Variants in PDZD2 observed in about 807,000 individuals in gnomAD.
PDZD2 encodes the protein PDZ domain containing 2.
A neutral mutation model predicts 220.7 loss-of-function variants in PDZD2; 90 were observed. That is an observed-to-expected ratio of 0.41 (90% confidence interval 0.34 to 0.49). PDZD2 has a LOEUF of 0.49. Ranked by LOEUF, PDZD2 falls within the 20% of genes least tolerant of loss-of-function variation. The pLI is 0.28. For synonymous variants in PDZD2, 1,375 were observed against 1,450.5 expected, an observed-to-expected ratio of 0.95 and a Z score of 1.18; for missense variants, 3,174 against 3,608.5, an observed-to-expected ratio of 0.88 and a Z score of 3.08.
intron 8 of PDZD2, 123 bp downstream of exon 8, chr5:32,048,807 C>T: frequency 1.1e-6 from 1 of 934,008 alleles, no homozygotes; most frequent in Non-Finnish European, 1.6e-6. Context: ...AGACAGCAGG[C>T]AAAGTGAGGT....
intron 1 of PDZD2, among the ~76,000 whole-genome samples, chr5:31,714,351 G>A (rs951766565): frequency 5.3e-5 from 8 of 152,204 alleles, no homozygotes; most frequent in Admixed American, 2.0e-4. Flanking sequence ...TTCCGCTTGT[G>A]TCTCGGCTTC....
At chr5:31,979,584 A>ACT (rs1750112066) in intron 2 of PDZD2, among the ~76,000 whole-genome samples, 2 of 151,814 alleles carry the variant, frequency 1.3e-5, no homozygotes, top group Non-Finnish European at 2.9e-5. Context: ...TGTCTCAAAA[A>ACT]AAAAAAAAAA....
At chr5:31,698,265 C>T (rs1156667043) in intron 1 of PDZD2, among the ~76,000 whole-genome samples, 1 of 147,948 alleles carries the variant, frequency 6.8e-6, no homozygotes, top group Non-Finnish European at 1.5e-5. Flanking sequence ...ATTGTGAATA[C>T]GAATTTTACT....
intron 6 of PDZD2, among the ~76,000 whole-genome samples, chr5:32,024,764 G>A (rs1040008897): frequency 5.9e-5 from 9 of 152,076 alleles, no homozygotes; most frequent in African/African-American, 1.2e-4. Flanking sequence ...TGGGGGCTCC[G>A]TTGTAGATGA....
intron 1 of PDZD2, among the ~76,000 whole-genome samples, chr5:31,753,301 G>T (rs1751118975): frequency 6.6e-6 from 1 of 152,208 alleles, no homozygotes; most frequent in Non-Finnish European, 1.5e-5. Flanking sequence ...ATGCCAGGAG[G>T]CAATAGGGAG....
At chr5:31,870,145 C>T (rs1304256329) in intron 2 of PDZD2, among the ~76,000 whole-genome samples, 1 of 152,108 alleles carries the variant, frequency 6.6e-6, no homozygotes, top group Non-Finnish European at 1.5e-5. Context: ...CTAGCTCTAG[C>T]TTGGGGAATT....
Position 32,061,062 on chromosome 5 carries a change from A to G in PDZD2, c.2379A>G (p.Lys793=), listed in dbSNP as rs1409008277. Residue 793 remains lysine (K), a synonymous_variant, in exon 14 of 25, where the codon AAA becomes AAG. Transcript: ENST00000438447. ...ACGTCCGCCATGCTGCTTTAAGCAA[A>G]GTCCACGCCATCTTGAGTAAATGCC... ...SVNVRHAALS[K]VHAILSKCPP... The G allele has an allele frequency of 3.1e-6, 5 of 1,614,092 alleles. No homozygotes were observed.
chr5:31,977,052 C>T (rs1399273373), intron 2 of PDZD2, among the ~76,000 whole-genome samples: 1 of 150,536 alleles, frequency 6.6e-6, no homozygotes, highest in African/African-American at 2.5e-5. Flanking sequence ...GAGACAGCTT[C>T]CTGCCATGTT....
intron 1 of PDZD2, among the ~76,000 whole-genome samples, chr5:31,793,685 G>A (rs968990306): frequency 6.6e-6 from 1 of 152,242 alleles, no homozygotes; most frequent in Admixed American, 6.5e-5. Context: ...GCCTGCGCCT[G>A]TAAGCGCAGC....
At chr5:31,785,332 G>A (rs1204532865) in intron 1 of PDZD2, among the ~76,000 whole-genome samples, 1 of 150,280 alleles carries the variant, frequency 6.7e-6, no homozygotes, top group Non-Finnish European at 1.5e-5. Context: ...GCACCTCCCT[G>A]GCAGTGACCT....
At chr5:31,644,159 A>G (rs1490784283) in intron 1 of PDZD2, among the ~76,000 whole-genome samples, 1 of 152,208 alleles carries the variant, frequency 6.6e-6, no homozygotes, top group East Asian at 1.9e-4. Context: ...ATTATCTGGA[A>G]AATTTTCTGA....
intron 7 of PDZD2, among the ~76,000 whole-genome samples, chr5:32,038,229 G>A (rs376794775): frequency 1.3e-5 from 2 of 148,564 alleles, no homozygotes; most frequent in East Asian, 3.9e-4. Flanking sequence ...TGGCTGTGTT[G>A]GTATAAAGAT....
chr5:31,824,930 C>G (rs766733661), intron 2 of PDZD2, among the ~76,000 whole-genome samples: 15 of 152,176 alleles, frequency 9.9e-5, no homozygotes, highest in Admixed American at 4.6e-4. Flanking sequence ...CATGGTAAAG[C>G]TCTATTAATA....
intron 2 of PDZD2, among the ~76,000 whole-genome samples, chr5:31,890,517 A>G (rs937550623): frequency 1.3e-5 from 2 of 152,166 alleles, no homozygotes; most frequent in Admixed American, 1.3e-4. Flanking sequence ...GTGGACTAAT[A>G]AAAACAGCCG....
At chr5:31,853,945 TG>T (rs1212904600) in intron 2 of PDZD2, among the ~76,000 whole-genome samples, 1 of 152,152 alleles carries the variant, frequency 6.6e-6, no homozygotes, top group Admixed American at 6.5e-5. Flanking sequence ...AGCTCCACCC[TG>T]GGTGCCTTTT....
At chr5:32,065,764 C>T (rs1479667397) in intron 14 of PDZD2, among the ~76,000 whole-genome samples, 1 of 152,220 alleles carries the variant, frequency 6.6e-6, no homozygotes, top group Non-Finnish European at 1.5e-5. Context: ...GTGGCTCACG[C>T]CTGTAATCCC....
chr5:31,823,979 A>G (rs1756061683), intron 2 of PDZD2, among the ~76,000 whole-genome samples: 1 of 152,218 alleles, frequency 6.6e-6, no homozygotes, highest in Admixed American at 6.5e-5. Context: ...TTGTTTGTAC[A>G]GAATTTCCTT....
At chr5:32,055,815 G>C (rs1035827562) in intron 10 of PDZD2, among the ~76,000 whole-genome samples, 1 of 152,108 alleles carries the variant, frequency 6.6e-6, no homozygotes, top group Non-Finnish European at 1.5e-5. Flanking sequence ...TTAGAGGAAG[G>C]GTTAACTCCC....
At chr5:31,856,881 T>C (rs150982010) in intron 2 of PDZD2, among the ~76,000 whole-genome samples, 6 of 149,572 alleles carry the variant, frequency 4.0e-5, no homozygotes, top group South Asian at 2.2e-4. Flanking sequence ...ATCAGACTTA[T>C]AGCGTGAGCT....
Sources: gnomAD v4.1 joint callset for allele counts (sites outside exome capture counted in the v4.1 genomes callset) on GRCh38, gnomAD v4.1.1 for gene constraint, MANE v1.5 for transcripts, NCBI Gene and HGNC (gene_info 2026-07-23, HGNC 2026-07-21) for gene names.